The following FN1 variants were observed in gnomAD, a reference collection of about 807,000 sequenced individuals.
FN1 encodes fibronectin 1.
A neutral mutation model predicts 297.3 loss-of-function variants in FN1; 106 were observed. That is an observed-to-expected ratio of 0.36 (90% confidence interval 0.30 to 0.42). The LOEUF (loss-of-function observed/expected upper bound fraction) is 0.42, where lower values mean the gene tolerates loss of function less well. Ranked by LOEUF, FN1 falls within the 10% of genes least tolerant of loss-of-function variation. FN1 has a pLI of 1.00. For missense variants in FN1, 2,690 were observed against 3,124.9 expected (o/e 0.86, Z 3.32); for synonymous variants, 1,149 against 1,152.6 (o/e 1.00, Z 0.06).
intron 44 of FN1, 28 bp downstream of exon 44, chr2:215,364,851 G>C: frequency 6.8e-7 from 1 of 1,463,310 alleles, no homozygotes; most frequent in Non-Finnish European, 9.3e-7. Context: ...TATCTAACTT[G>C]TAGGGAGCCT....
intron 10 of FN1, 169 bp from the exon 11 acceptor site, chr2:215,420,970 G>A (rs1209508922): frequency 1.4e-6 from 1 of 728,958 alleles, no homozygotes; most frequent in Non-Finnish European, 2.2e-6. Context: ...AGTTTGGTCA[G>A]TAATACAATT....
In FN1 at chr2:215,414,538, T is replaced by G. The variant is rs2063157408; in HGVS notation, c.1941+299A>C. The G allele has an allele frequency of 1.1e-5, 4 of 374,812 alleles. No homozygotes were observed. In the East Asian group the frequency reaches 2.3e-4, roughly 22 times the overall value. The allele number at this position is 374,812 out of a possible 1,614,324, so 23.2% of individuals were successfully genotyped here. A position where few individuals can be genotyped will look rare whatever the true frequency, so the allele number is the denominator to read the frequency against. Reference sequence around the variant, plus strand: ...CTTCCCACATTGGGCAAGAACAATCTTAAGCATTATCATTTCTAAGTCCTT... The same window carrying G: ...CTTCCCACATTGGGCAAGAACAATCGTAAGCATTATCATTTCTAAGTCCTT... On this transcript the variant is annotated intron_variant, in intron 13 of 45. Coordinates refer to ENST00000354785, the MANE Select transcript of FN1 (RefSeq NM_212482.4).
chr2:215,415,207 A>AT (rs199757925), intron 12 of FN1, among the ~76,000 whole-genome samples: 2 of 139,280 alleles, frequency 1.4e-5, no homozygotes, highest in African/African-American at 5.1e-5. Flanking sequence ...AATAAAATAT[A>AT]TTTTTAAAAA....
rs888640553 is a variant in FN1, at chr2:215,375,359, G to A, written c.6012C>T (p.Ala2004=). ...ATACCAGCAAGGAATTGGGTGTGGT[G>A]GCCAGGAAACGCAGGTTGGATGGTG... ...IDAPSNLRFL[A]TTPNSLLVSW... is the part of the protein sequence containing the mutation. The change falls in exon 38 of 46, where the codon GCC becomes GCT. Residue 2004 remains alanine, a synonymous_variant. Transcript: ENST00000354785. The A allele has an allele frequency of 1.9e-6, 3 of 1,613,936 alleles. No homozygotes were observed. Among genetic ancestry groups the A allele is most frequent in the Admixed American group, 1.7e-5 (1 of 59,980 alleles).
chr2:215,387,016 A>G, intron 27 of FN1, 58 bp from the exon 28 acceptor site: 1 of 1,471,212 alleles, frequency 6.8e-7, no homozygotes, highest in Non-Finnish European at 9.3e-7. Flanking sequence ...CCACCAGTTT[A>G]GGAAGTGAGG....
chr2:215,386,578 T>A, intron 28 of FN1, 111 bp downstream of exon 28: 1 of 556,238 alleles, frequency 1.8e-6, no homozygotes, highest in Non-Finnish European at 2.8e-6. Flanking sequence ...ATTTTTTTTT[T>A]TTTTTTTTTT....
At chr2:215,391,557 C>T (rs1316909274) in intron 26 of FN1, 75 bp downstream of exon 26, 2 of 1,334,334 alleles carry the variant, frequency 1.5e-6, no homozygotes, top group African/African-American at 2.9e-5. Context: ...CTTAGCTCCT[C>T]CTACTTGAGA....
At chr2:215,388,025 C>G (rs972317815) in intron 27 of FN1, among the ~76,000 whole-genome samples, 187 bp downstream of exon 27, 4 of 152,154 alleles carry the variant, frequency 2.6e-5, no homozygotes, top group African/African-American at 4.8e-5. Context: ...GACTGAAAGT[C>G]TAGGTGATTG....
At chr2:215,401,227 A>AAGGAAGGAAGGAAGG (rs1559474709) in intron 20 of FN1, among the ~76,000 whole-genome samples, 30 of 56,546 alleles carry the variant, frequency 5.3e-4, no homozygotes, top group African/African-American at 1.8e-3. Context: ...AGAAAGAAAG[A>AAGGAAGGAAGGAAGG]AAGAAAGAAA....
intron 7 of FN1, 84 bp from the exon 8 acceptor site, chr2:215,424,409 T>G (rs2064976180): frequency 3.3e-5 from 35 of 1,074,504 alleles, no homozygotes; most frequent in Non-Finnish European, 4.7e-5. Context: ...TTCAATGAGA[T>G]ACTGAGCTTG....
chr2:215,391,717 G>C lies in FN1; in HGVS notation c.4167C>G (p.Phe1389Leu), dbSNP rs775357439. 7 of 1,614,016 alleles carry C rather than the reference G, an allele frequency of 4.3e-6. No homozygotes were observed. Among genetic ancestry groups the C allele is most frequent in the Non-Finnish European group, 5.9e-6 (7 of 1,179,988 alleles). ...TTTTCACAGGTGAGTAACGCACCAGGAAGTTGGTTAAATCAATGGATGGGG... is the reference window on the plus strand; with the variant it reads ...TTTTCACAGGTGAGTAACGCACCAGCAAGTTGGTTAAATCAATGGATGGGG... ...APPPSIDLTN[F>L]LVRYSPVKNE... The change falls in exon 26 of 46, where the codon TTC (phenylalanine) becomes TTG (leucine). Residue 1389 changes from phenylalanine (F) to leucine (L), a missense_variant. Physicochemically the swap from Phe to Leu is conservative, Grantham distance 22. Transcript: ENST00000354785.
chr2:215,422,449 C>G (rs2064574508), intron 9 of FN1, among the ~76,000 whole-genome samples: 3 of 152,128 alleles, frequency 2.0e-5, no homozygotes, highest in Admixed American at 6.6e-5. Flanking sequence ...CCAAACGTGT[C>G]ATAGAAAATA....
chr2:215,375,491 T>C (rs1417211440), intron 37 of FN1, 98 bp from the exon 38 acceptor site: 2 of 1,301,922 alleles, frequency 1.5e-6, no homozygotes, highest in Non-Finnish European at 2.2e-6. Context: ...CTTAAAAGAA[T>C]CTGAGAATAC....
In FN1 at chr2:215,364,953, A is replaced by G. The variant is rs1203420768; in HGVS notation, c.7177T>C (p.Tyr2393His). ...EATCYDDGKTYHVGEQWQKEY... is the reference protein window; with the variant it reads ...EATCYDDGKTHHVGEQWQKEY... ...TTCTGCCACTGTTCTCCTACGTGGTATGTCTTCCCATCATCATAACACGTT... is the reference window on the plus strand; with the variant it reads ...TTCTGCCACTGTTCTCCTACGTGGTGTGTCTTCCCATCATCATAACACGTT... The change falls in exon 44 of 46, where the codon TAC becomes CAC. Residue 2393 changes from tyrosine to histidine, a missense_variant. By Grantham distance (83) the Tyr-to-His change is moderately conservative (BLOSUM62 2). This residue lies in a region of FN1 where 1,743 missense variants were observed against 1,945.2 expected (regional missense o/e 0.90). Transcript: ENST00000354785. The G allele has an allele frequency of 6.3e-7, 1 of 1,580,934 alleles. No individual in the cohort carries two copies. Among genetic ancestry groups the G allele is most frequent in the East Asian group, 2.3e-5 (1 of 44,048 alleles).
chr2:215,386,999 A>T, intron 27 of FN1, 41 bp from the exon 28 acceptor site: 1 of 1,568,142 alleles, frequency 6.4e-7, no homozygotes, highest in Non-Finnish European at 8.7e-7. Context: ...AAAAAAAAGA[A>T]AAGACACCAC....
intron 10 of FN1, chr2:215,421,015 T>C: frequency 3.7e-6 from 2 of 536,452 alleles, no homozygotes; most frequent in Non-Finnish European, 3.4e-6. Flanking sequence ...CCAAAATGTG[T>C]AACTTTTGCA....
intron 13 of FN1, among the ~76,000 whole-genome samples, chr2:215,411,087 C>T (rs1380377675): frequency 1.3e-5 from 2 of 152,086 alleles, no homozygotes; most frequent in Non-Finnish European, 2.9e-5. Context: ...ATGAGCTACC[C>T]CATCAGAAGT....
At position 215,370,412 on chromosome 2, in the gene FN1, A is replaced by G. The variant is rs773377963; in HGVS notation, c.6735T>C (p.Ser2245=). The G allele has an allele frequency of 1.4e-5, 23 of 1,613,848 alleles. No individual in the cohort carries two copies. Among genetic ancestry groups the G allele is most frequent in the Non-Finnish European group, 1.9e-5 (22 of 1,179,940 alleles). The change falls in exon 41 of 46, where the codon TCT becomes TCC. Residue 2245 remains serine, a synonymous_variant. Transcript: ENST00000354785. ...EPLQFRVPGT[S]TSATLTGLTR... ...TGAGGCCTGTCAGAGTGGCACTGGTAGAAGTTCCAGGAACCCTGAACTGCA... is the reference window on the plus strand; with the variant it reads ...TGAGGCCTGTCAGAGTGGCACTGGTGGAAGTTCCAGGAACCCTGAACTGCA...
intron 12 of FN1, among the ~76,000 whole-genome samples, chr2:215,416,191 C>T (rs1307582031): frequency 6.6e-6 from 1 of 152,146 alleles, no homozygotes; most frequent in Non-Finnish European, 1.5e-5. Context: ...AAACAATATG[C>T]TCACTTCCAC....
Sources: allele counts gnomAD v4.1 joint callset (sites outside exome capture counted in the v4.1 genomes callset), GRCh38; gene constraint gnomAD v4.1.1; regional missense constraint gnomAD v4.1.1; transcripts MANE v1.5; gene names NCBI Gene and HGNC (gene_info 2026-07-23, HGNC 2026-07-21).